FAM169A: variants seen among roughly 807,000 people sequenced by gnomAD.
FAM169A encodes the protein soluble lamin-associated protein of 75 kDa.
A neutral mutation model predicts 75.7 loss-of-function variants in FAM169A; 24 were observed. The ratio of observed to expected loss-of-function variants is 0.32; its 90% CI spans 0.23 to 0.45. The LOEUF (loss-of-function observed/expected upper bound fraction) is 0.45. Ranked by LOEUF, FAM169A falls within the 20% of genes least tolerant of loss-of-function variation. FAM169A has a pLI of 1.00. For missense variants in FAM169A, 673 were observed against 784.0 expected, an observed-to-expected ratio of 0.86 and a Z score of 1.69; for synonymous variants, 271 against 271.0, an observed-to-expected ratio of 1.00 and a Z score of 0.00.
In FAM169A at chr5:74,781,692, A is replaced by G. The variant is rs764331056; in HGVS notation, c.1781T>C (p.Val594Ala). The G allele has an allele frequency of 1.9e-6, 3 of 1,614,022 alleles. No individual in the cohort carries two copies. The highest frequency in any genetic ancestry group is 1.1e-5 in the South Asian group (1 of 91,076). ...TGAAAATGGCACGTCTTCAAGTTCA[A>G]CCTCTATCAAAGAACTCTGAGGAAG... Reference protein sequence around the residue: ...TALPQSSLIEVELEDVPFSQN... With the variant: ...TALPQSSLIEAELEDVPFSQN... The change falls in exon 13 of 13, where the codon GTT becomes GCT. Residue 594 changes from valine to alanine, a missense_variant. By Grantham distance (64) the Val-to-Ala change is moderately conservative. Around this residue, in one of 3 missense-constraint regions of FAM169A, gnomAD observed 510 missense variants for 550.9 expected, o/e 0.93. Coordinates refer to ENST00000687041, the MANE Select transcript of FAM169A (RefSeq NM_001376049.1).
rs1236649875 is a variant in FAM169A at position 74,777,807 on chromosome 5, A to C, written c.*3653T>G. 3 of 152,094 alleles carry C rather than the reference A, an allele frequency of 2.0e-5. No individual in the cohort carries two copies. Among genetic ancestry groups the C allele is most frequent in the Non-Finnish European group, 4.4e-5 (3 of 67,942 alleles). The allele number at this position is 152,094 out of a possible 1,614,324, so 9.4% of individuals were successfully genotyped here. A position where few individuals can be genotyped will look rare whatever the true frequency, so the allele number is the denominator to read the frequency against. On this transcript the variant is annotated 3_prime_UTR_variant, in exon 13 of 13. Transcript: ENST00000687041. ...AAAAAAAAATAAAAACCAAGAAAAC[A>C]AACATAGGTACTCCAGTAAGACTTG...
chr5:74,782,894 G>A, intron 12 of FAM169A, 37 bp downstream of exon 12: 2 of 1,524,460 alleles, frequency 1.3e-6, no homozygotes, highest in Non-Finnish European at 1.8e-6. Context: ...ACCAACATTG[G>A]TAAACTTTAT....
chr5:74,840,379 AGTT>A (rs1471645618), intron 2 of FAM169A, among the ~76,000 whole-genome samples: 2 of 152,264 alleles, frequency 1.3e-5, no homozygotes, highest in East Asian at 3.9e-4. Context: ...AAATATGAAA[AGTT>A]GTTTCATAAA....
intron 6 of FAM169A, among the ~76,000 whole-genome samples, chr5:74,809,339 A>G (rs1308123495): frequency 2.6e-5 from 4 of 152,336 alleles, no homozygotes; most frequent in Non-Finnish European, 5.9e-5. Context: ...TCACGCCTGT[A>G]ATCTCAGCAC....
chr5:74,805,099 G>C, intron 7 of FAM169A, 57 bp downstream of exon 7: 1 of 1,515,172 alleles, frequency 6.6e-7, no homozygotes. Flanking sequence ...GGCCAGCAAG[G>C]ACAGGCTACC....
chr5:74,781,237 TAATAAA>T lies in FAM169A; in HGVS notation c.*217_*222del, dbSNP rs1298893576. 2.1e-6 allele frequency: 1 copy of T among 481,102 alleles called. No individual in the cohort carries two copies. Among genetic ancestry groups the T allele is most frequent in the Admixed American group, 3.7e-5 (1 of 27,318 alleles). The allele number at this position is 481,102 out of a possible 1,614,324, so 29.8% of individuals were successfully genotyped here. A position where few individuals can be genotyped will look rare whatever the true frequency, so the allele number is the denominator to read the frequency against. ...TGGTTTCCCAAAATTGAAACATGGT[TAATAAA>T]AATAAAAAATTGCATTTACCAAAAA... On this transcript the variant is annotated 3_prime_UTR_variant, in exon 13 of 13. Transcript: ENST00000687041.
chr5:74,855,813 T>C (rs1293131699), intron 1 of FAM169A, among the ~76,000 whole-genome samples: 1 of 152,258 alleles, frequency 6.6e-6, no homozygotes, highest in Non-Finnish European at 1.5e-5. Context: ...CATTTCTGCT[T>C]TGATTGCCTG....
chr5:74,866,015 G>T, intron 1 of FAM169A, 150 bp downstream of exon 1: 1 of 221,554 alleles, frequency 4.5e-6, no homozygotes, highest in Non-Finnish European at 7.6e-6. Flanking sequence ...ACTGGTCTGC[G>T]CCAGGCCCAG....
intron 1 of FAM169A, among the ~76,000 whole-genome samples, chr5:74,849,025 C>T (rs1749304818): frequency 1.3e-5 from 2 of 152,010 alleles, no homozygotes; most frequent in South Asian, 4.1e-4. Context: ...TTAATGTAGC[C>T]TTAAGTGAAC....
At chr5:74,853,871 CT>C (rs2112721743) in intron 1 of FAM169A, among the ~76,000 whole-genome samples, 1 of 151,328 alleles carries the variant, frequency 6.6e-6, no homozygotes, top group Admixed American at 6.6e-5. Flanking sequence ...CCACACCCGG[CT>C]AATCTTCTTC....
chr5:74,858,614 A>AGTG (rs1412556111), intron 1 of FAM169A, among the ~76,000 whole-genome samples: 4 of 152,162 alleles, frequency 2.6e-5, no homozygotes, highest in Admixed American at 2.6e-4. Context: ...GTAAGGGTCA[A>AGTG]AAAGCTACCT....
intron 1 of FAM169A, among the ~76,000 whole-genome samples, chr5:74,857,176 G>C (rs897691738): frequency 6.6e-6 from 1 of 151,628 alleles, no homozygotes; most frequent in African/African-American, 2.4e-5. Flanking sequence ...GGCCAAGAGG[G>C]CAAAGGATCT....
At chr5:74,793,160 A>T (rs1322787280) in intron 11 of FAM169A, among the ~76,000 whole-genome samples, 1 of 152,062 alleles carries the variant, frequency 6.6e-6, no homozygotes, top group Admixed American at 6.5e-5. Flanking sequence ...CCCCGTCTCT[A>T]CTACAAATAC....
At position 74,864,198 on chromosome 5, in the gene FAM169A, TA is replaced by T. The variant is rs374328617; in HGVS notation, c.-4+1966del. On this transcript the variant is annotated intron_variant, in intron 1 of 12. Transcript: ENST00000687041. Reference sequence around the variant, plus strand: ...ATGGAAACTTTACCTCAAAAGCACTTAATTATTTTGTTTTCTCCAAATCAAA... The same window carrying T: ...ATGGAAACTTTACCTCAAAAGCACTTATTATTTTGTTTTCTCCAAATCAAA... Among the ~76,000 whole-genome samples the T allele has an allele frequency of 3.6e-3, 548 of 152,344 alleles. 6 individuals are homozygous for T. Among genetic ancestry groups the T allele is most frequent in the African/African-American group, 0.013 (526 of 41,588 alleles).
At chr5:74,805,856 CCAACA>C (rs918687852) in intron 6 of FAM169A, among the ~76,000 whole-genome samples, 1 of 150,942 alleles carries the variant, frequency 6.6e-6, no homozygotes, top group African/African-American at 2.4e-5. Flanking sequence ...CAAACAAATC[CCAACA>C]CAACTTATTT....
intron 5 of FAM169A, among the ~76,000 whole-genome samples, chr5:74,816,526 T>C (rs1472666222): frequency 6.6e-6 from 1 of 152,212 alleles, no homozygotes; most frequent in Admixed American, 6.5e-5. Flanking sequence ...TACATGTTCC[T>C]TTCAGAAAAT....
chr5:74,820,893 T>C (rs1333041391), intron 5 of FAM169A, among the ~76,000 whole-genome samples: 2 of 152,190 alleles, frequency 1.3e-5, no homozygotes, highest in South Asian at 2.1e-4. Flanking sequence ...TCAATCACTA[T>C]ACTCTGGCCA....
intron 11 of FAM169A, among the ~76,000 whole-genome samples, chr5:74,792,512 G>GGCTTCCTT (rs894925377): frequency 1.5e-5 from 2 of 134,740 alleles, no homozygotes; most frequent in Non-Finnish European, 3.0e-5. Flanking sequence ...GACTCGGACT[G>GGCTTCCTT]GCTTCCTTGC....
Position 74,805,188 on chromosome 5 carries a change from C to T in FAM169A, c.767G>A (p.Arg256Lys). 1 of 1,613,788 alleles carries T rather than the reference C, an allele frequency of 6.2e-7. No individual in the cohort carries two copies. The highest frequency in any genetic ancestry group is 1.1e-5 in the South Asian group (1 of 91,070). The change falls in exon 7 of 13, where the codon AGA becomes AAA. Residue 256 changes from arginine (R) to lysine (K), a missense_variant. Physicochemically the swap from Arg to Lys is conservative, Grantham distance 26. Around this residue, in one of 3 missense-constraint regions of FAM169A, gnomAD observed 510 missense variants for 550.9 expected, o/e 0.93. Transcript: ENST00000687041. ...TTTAAGTGCTTCTCTTTGTAATGCT[C>T]TGGTGACTGGTATTCGCTGGTACCA... ...GHWYQRIPVT[R>K]ALQREALKIL...
Sources: gnomAD v4.1 joint callset for allele counts (sites outside exome capture counted in the v4.1 genomes callset) on GRCh38, gnomAD v4.1.1 for gene constraint, gnomAD v4.1.1 regional missense constraint, MANE v1.5 for transcripts, NCBI Gene and HGNC (gene_info 2026-07-23, HGNC 2026-07-21) for gene names.